The following COQ6 variants were observed in gnomAD, a reference collection of about 807,000 sequenced individuals.
The protein encoded by COQ6 is ubiquinone biosynthesis monooxygenase COQ6, mitochondrial.
Under a neutral mutation model 55.5 loss-of-function variants are expected in COQ6, and 45 were observed. The ratio of observed to expected loss-of-function variants is 0.81; its 90% CI spans 0.64 to 1.04. The LOEUF (loss-of-function observed/expected upper bound fraction) is 1.04. COQ6 is among the 50% of genes least tolerant of loss of function. COQ6 has a pLI of 0.00. For synonymous variants in COQ6, 206 were observed against 230.5 expected (o/e 0.89, Z 0.96); for missense variants, 550 against 601.3 (o/e 0.91, Z 0.89).
Position 73,961,241 on chromosome 14 carries a change from T to C in COQ6, c.960T>C (p.Leu320=). Residue 320 remains leucine (L), a synonymous_variant, in exon 9 of 12, where the codon CTT becomes CTC. Transcript: ENST00000334571. ...AGAMLQYAVS[L]LKPTKVSARQ... The stretch of plus-strand genomic sequence containing the variant: ...CCATGCTGCAGTATGCTGTCAGCCT[T>C]CTGAAGCCCACTAAGGTCTCGGCTC... The C allele has an allele frequency of 2.5e-6, 4 of 1,614,146 alleles. No individual in the cohort carries two copies. The highest frequency in any genetic ancestry group is 3.4e-6 in the Non-Finnish European group (4 of 1,180,010).
At chr14:73,959,845 C>A in intron 8 of COQ6, 4 of 1,297,476 alleles carry the variant, frequency 3.1e-6, no homozygotes, top group Non-Finnish European at 3.0e-6. Context: ...GCTGGGATTA[C>A]AGGCGTGAGC....
At position 73,961,903 on chromosome 14, in the gene COQ6, A is replaced by C; in HGVS notation, c.1377A>C (p.Lys459Asn). 1.2e-6 allele frequency: 2 copies of C among 1,614,128 alleles called. No individual in the cohort carries two copies. The highest frequency in any genetic ancestry group is 1.7e-6 in the Non-Finnish European group (2 of 1,179,978). The change falls in exon 11 of 12, where the codon AAA (lysine) becomes AAC (asparagine). Residue 459 changes from lysine (K) to asparagine (N), a missense_variant and splice_region_variant. Lys to Asn is a moderately conservative substitution (Grantham distance 94, BLOSUM62 0). Coordinates refer to ENST00000334571, the MANE Select transcript of COQ6 (RefSeq NM_182476.3). ...CCACAAATGCAGTGTCTCCACTCAA[A>C]GTAAGAGGTTGCTCAGAGGAATGAC... ...LQATNAVSPL[K>N]EQIMAFASK
In COQ6 at chr14:73,963,054, AC is replaced by A; in HGVS notation, c.*58del. 4 of 1,273,440 alleles carry A rather than the reference AC, an allele frequency of 3.1e-6. No homozygotes were observed. The South Asian group carries it at 4.8e-5, about 15-fold the overall frequency. 78.9% of individuals were successfully genotyped at this position (1,273,440 alleles called of 1,614,324 possible). On this transcript the variant is annotated 3_prime_UTR_variant, in exon 12 of 12. Coordinates refer to ENST00000334571, the MANE Select transcript of COQ6 (RefSeq NM_182476.3). ...GATGAAAAAGAACATCCTGCCCAGGACCCATCATACATATTTTCAAGATCTT... is the reference window on the plus strand; with the variant it reads ...GATGAAAAAGAACATCCTGCCCAGGACCATCATACATATTTTCAAGATCTT...
At chr14:73,952,111 TAAC>T (rs2056223870) in intron 1 of COQ6, among the ~76,000 whole-genome samples, 1 of 135,758 alleles carries the variant, frequency 7.4e-6, no homozygotes, top group Admixed American at 8.1e-5. Flanking sequence ...TGGCTGGAGC[TAAC>T]TTTTTTTTTT....
At chr14:73,953,951 C>A in intron 2 of COQ6, 2 of 321,708 alleles carry the variant, frequency 6.2e-6, no homozygotes, top group South Asian at 3.2e-5. Flanking sequence ...ACGTGAAATT[C>A]CCTTGGGGTG....
chr14:73,959,249 G>T (rs915624002), intron 7 of COQ6, 25 bp downstream of exon 7: 1 of 1,614,190 alleles, frequency 6.2e-7, no homozygotes, highest in South Asian at 1.1e-5. Flanking sequence ...TGACCAGTCC[G>T]CCCACATGCA....
At chr14:73,953,373 C>G (rs2056274309) in intron 1 of COQ6, 62 bp from the exon 2 acceptor site, 5 of 1,417,590 alleles carry the variant, frequency 3.5e-6, no homozygotes, top group Non-Finnish European at 5.0e-6. Flanking sequence ...TGTTGTTTCT[C>G]TTGGTAATGG....
At chr14:73,952,876 C>T (rs1406829793) in intron 1 of COQ6, among the ~76,000 whole-genome samples, 3 of 152,046 alleles carry the variant, frequency 2.0e-5, no homozygotes, top group Non-Finnish European at 4.4e-5. Context: ...CGGGTTTCAC[C>T]ATGTTGGCTA....
intron 1 of COQ6, among the ~76,000 whole-genome samples, chr14:73,952,545 T>A (rs973885289): frequency 4.6e-5 from 7 of 151,626 alleles, no homozygotes; most frequent in South Asian, 2.1e-4. Flanking sequence ...TTAAAAAAAA[T>A]TTTTTTTTGT....
rs921622387 is a variant in COQ6 at position 73,961,493 on chromosome 14, G to C, written c.1133G>C (p.Gly378Ala). 14 of 1,614,074 alleles carry C rather than the reference G, an allele frequency of 8.7e-6. No individual in the cohort carries two copies. The highest frequency in any genetic ancestry group is 8.5e-6 in the Non-Finnish European group (10 of 1,180,046). ...AGAGTCCATCCGCTTGCAGGACAGG[G>C]TGTCAACATGGGCTTTGGGGATATC... ...AHRVHPLAGQ[G>A]VNMGFGDISS... Residue 378 changes from glycine (G) to alanine (A), a missense_variant, in exon 10 of 12, where the codon GGT (glycine) becomes GCT (alanine). Gly to Ala is a moderately conservative substitution (Grantham distance 60, BLOSUM62 0). Transcript: ENST00000334571.
chr14:73,961,205 C>T lies in COQ6; in HGVS notation c.924C>T (p.Asp308=), dbSNP rs1279513538. 3.1e-6 allele frequency: 5 copies of T among 1,613,886 alleles called. No homozygotes were observed. In the South Asian group the frequency reaches 5.5e-5, roughly 18 times the overall value. The change falls in exon 9 of 12, where the codon GAC becomes GAT. Residue 308 remains aspartate (D), a synonymous_variant. Transcript: ENST00000334571. ...WSDADHTDFI[D]TAGAMLQYAV... The stretch of plus-strand genomic sequence containing the variant: ...ATGCTGACCACACGGACTTCATCGA[C>T]ACAGCTGGTGCCATGCTGCAGTATG...
chr14:73,959,070 T>G lies in COQ6; in HGVS notation c.712T>G (p.Leu238Val). Residue 238 changes from leucine to valine, a missense_variant, in exon 6 of 12, where the codon TTA becomes GTA. Leu to Val is a conservative substitution (Grantham distance 32). Transcript: ENST00000334571. ...DQSAVVATLH[L>V]SEATENNVAW... ...GTCTGCTGTTGTGGCTACTCTGCATTTATCAGAGGTAAGATCCTGAGCTGC... is the reference window on the plus strand; with the variant it reads ...GTCTGCTGTTGTGGCTACTCTGCATGTATCAGAGGTAAGATCCTGAGCTGC... 1 of 1,614,140 alleles carries G rather than the reference T, an allele frequency of 6.2e-7. No homozygotes were observed. Among genetic ancestry groups the G allele is most frequent in the Non-Finnish European group, 8.5e-7 (1 of 1,180,026 alleles).
Position 73,958,175 on chromosome 14 carries a change from A to C in COQ6, c.510A>C (p.Lys170Asn), listed in dbSNP as rs1448453585. The C allele has an allele frequency of 6.2e-7, 1 of 1,613,976 alleles. No homozygotes were observed. Among genetic ancestry groups the C allele is most frequent in the Admixed American group, 1.7e-5 (1 of 60,008 alleles). Reference protein sequence around the residue: ...SDRVTVLYRSKAIRYTWPCPF... With the variant: ...SDRVTVLYRSNAIRYTWPCPF... ...GAGTGACGGTTCTCTACAGGAGCAAAGCCATTCGCTATACCTGGCCTTGTC... is the reference window on the plus strand; with the variant it reads ...GAGTGACGGTTCTCTACAGGAGCAACGCCATTCGCTATACCTGGCCTTGTC... The change falls in exon 5 of 12, where the codon AAA becomes AAC. Residue 170 changes from lysine to asparagine, a missense_variant. Transcript: ENST00000334571.
chr14:73,961,276 C>T lies in COQ6; in HGVS notation c.995C>T (p.Pro332Leu). The T allele has an allele frequency of 6.2e-7, 1 of 1,614,180 alleles. No homozygotes were observed. Among genetic ancestry groups the T allele is most frequent in the East Asian group, 2.2e-5 (1 of 44,884 alleles). Residue 332 changes from proline (P) to leucine (L), a missense_variant, in exon 9 of 12, where the codon CCC (proline) becomes CTC (leucine). Pro to Leu is a moderately conservative substitution (Grantham distance 98). Coordinates refer to ENST00000334571, the MANE Select transcript of COQ6 (RefSeq NM_182476.3). The stretch of plus-strand genomic sequence containing the variant: ...ACTAAGGTCTCGGCTCGCCAGCTGC[C>T]CCCAAGCGTAGCCAGGGTGGATGCC... ...KPTKVSARQLPPSVARVDAKS... is the reference protein window; with the variant it reads ...KPTKVSARQLLPSVARVDAKS...
rs142889800 is a variant in COQ6 at position 73,954,397 on chromosome 14, T to G, written c.298+828T>G. On this transcript the variant is annotated intron_variant, in intron 2 of 11. Coordinates refer to ENST00000334571, the MANE Select transcript of COQ6 (RefSeq NM_182476.3). The stretch of plus-strand genomic sequence containing the variant: ...GGAGGATTGCTTGAGCCCAGGAGTT[T>G]AAGTCTAGCCTGGGCAACATACCAA... Among the ~76,000 whole-genome samples the G allele has an allele frequency of 2.0e-3, 297 of 152,288 alleles. 1 individual carries two copies. Among genetic ancestry groups the G allele is most frequent in the African/African-American group, 5.6e-3 (234 of 41,554 alleles).
rs977794403 is a variant in COQ6, at chr14:73,963,402, G to C, written c.*403G>C. The stretch of plus-strand genomic sequence containing the variant: ...TAAGAATTAGACTCGATGCATTTTT[G>C]TTAGAATTGCTGTTTAAATGTTAAC... On this transcript the variant is annotated 3_prime_UTR_variant, in exon 12 of 12. Transcript: ENST00000334571. The C allele has an allele frequency of 1.1e-5, 3 of 283,912 alleles. No individual in the cohort carries two copies. Among genetic ancestry groups the C allele is most frequent in the African/African-American group, 6.6e-5 (3 of 45,412 alleles). The allele number at this position is 283,912 out of a possible 1,614,324, so 17.6% of individuals were successfully genotyped here. A position where few individuals can be genotyped will look rare whatever the true frequency, so the allele number is the denominator to read the frequency against.
chr14:73,952,499 C>T (rs1247334415), intron 1 of COQ6, among the ~76,000 whole-genome samples: 2 of 151,920 alleles, frequency 1.3e-5, no homozygotes, highest in Non-Finnish European at 2.9e-5. Flanking sequence ...TGCAGTTGCA[C>T]AAACATAGCT....
In COQ6 at chr14:73,953,575, T is replaced by C; in HGVS notation, c.298+6T>C. The C allele has an allele frequency of 1.2e-6, 2 of 1,613,996 alleles. No homozygotes were observed. Among genetic ancestry groups the C allele is most frequent in the East Asian group, 2.2e-5 (1 of 44,896 alleles). The stretch of plus-strand genomic sequence containing the variant: ...CTCTGCAACGCTTCTCAGTAGTGAG[T>C]AGAAGATCCTCCTTCAAAGATCCAA... On this transcript the variant is annotated splice_donor_region_variant and intron_variant, in intron 2 of 11. Transcript: ENST00000334571.
In COQ6 at chr14:73,959,063, T is replaced by G; in HGVS notation, c.705T>G (p.Thr235=). 1 of 1,614,192 alleles carries G rather than the reference T, an allele frequency of 6.2e-7. No individual in the cohort carries two copies. The highest frequency in any genetic ancestry group is 8.5e-7 in the Non-Finnish European group (1 of 1,180,036). The change falls in exon 6 of 12, where the codon ACT becomes ACG. Residue 235 remains threonine, a synonymous_variant. Coordinates refer to ENST00000334571, the MANE Select transcript of COQ6 (RefSeq NM_182476.3). ...WNYDQSAVVA[T]LHLSEATENN... ...ATGACCAGTCTGCTGTTGTGGCTAC[T>G]CTGCATTTATCAGAGGTAAGATCCT...
Sources: allele counts gnomAD v4.1 joint callset (sites outside exome capture counted in the v4.1 genomes callset), GRCh38; gene constraint gnomAD v4.1.1; transcripts MANE v1.5; gene names NCBI Gene and HGNC (gene_info 2026-07-23, HGNC 2026-07-21).